CPED1: variants seen among roughly 807,000 people sequenced by gnomAD.
The protein encoded by CPED1 is cadherin like and PC-esterase domain containing 1.
In CPED1, 114 loss-of-function variants were observed where a neutral mutation model predicts 128.2. The ratio of observed to expected loss-of-function variants is 0.89; its 90% CI spans 0.76 to 1.04. The LOEUF is 1.04. CPED1 is among the 50% of genes least tolerant of loss of function. The pLI is 0.00. For synonymous variants in CPED1, 462 were observed against 426.7 expected (o/e 1.08, Z -1.02); for missense variants, 1,211 against 1,207.1 (o/e 1.00, Z -0.05).
At chr7:121,214,136 G>A (rs1797705318) in intron 16 of CPED1, among the ~76,000 whole-genome samples, 1 of 151,982 alleles carries the variant, frequency 6.6e-6, no homozygotes, top group Non-Finnish European at 1.5e-5. Context: ...TTATATATTT[G>A]TGGCAAGAAT....
At position 121,166,388 on chromosome 7, in the gene CPED1, C is replaced by T. The variant is rs146051329; in HGVS notation, c.2055+24247C>T. Among the ~76,000 whole-genome samples, 478 of 152,122 alleles carry T rather than the reference C, an allele frequency of 3.1e-3. 2 individuals carry two copies. The highest frequency in any genetic ancestry group is 0.01 in the African/African-American group (433 of 41,510). ...AATGATAATGGATGCAAAAGACTTTCGCAAGTTATGAAGTATTATACAGAT... is the reference window on the plus strand; with the variant it reads ...AATGATAATGGATGCAAAAGACTTTTGCAAGTTATGAAGTATTATACAGAT... On this transcript the variant is annotated intron_variant, in intron 16 of 22. Transcript: ENST00000310396.
intron 16 of CPED1, among the ~76,000 whole-genome samples, chr7:121,234,338 A>G (rs1163798955): frequency 6.6e-6 from 1 of 152,068 alleles, no homozygotes; most frequent in Non-Finnish European, 1.5e-5. Flanking sequence ...ATGAATGTTG[A>G]AACATTATTT....
chr7:121,052,110 A>C (rs2116920407), intron 4 of CPED1: 1 of 152,322 alleles, frequency 6.6e-6, no homozygotes, highest in East Asian at 1.9e-4. Flanking sequence ...TGCATTGAGG[A>C]ACACCCCATA....
chr7:121,268,646 GCA>G (rs10587644), intron 21 of CPED1, among the ~76,000 whole-genome samples: 78,527 of 151,348 alleles, frequency 0.52, 23,460 homozygotes, highest in African/African-American at 0.83. Flanking sequence ...ACAAGTGTGT[GCA>G]CACACACACA....
At chr7:121,080,214 T>C (rs894520355) in intron 5 of CPED1, among the ~76,000 whole-genome samples, 1 of 152,226 alleles carries the variant, frequency 6.6e-6, no homozygotes. Flanking sequence ...TATTAATCAA[T>C]AGTTTATTCT....
intron 7 of CPED1, among the ~76,000 whole-genome samples, chr7:121,122,952 T>C (rs895590945): frequency 3.3e-5 from 5 of 152,122 alleles, no homozygotes; most frequent in Non-Finnish European, 7.4e-5. Flanking sequence ...TCAGGTAACA[T>C]TGAAATAGAA....
At chr7:120,989,167 T>A in intron 1 of CPED1, 1 of 168,012 alleles carries the variant, frequency 6.0e-6, no homozygotes, top group Non-Finnish European at 1.3e-5. Context: ...AACAGGCACT[T>A]TGGGTTTTAA....
At chr7:121,224,068 T>A (rs1049830492) in intron 16 of CPED1, among the ~76,000 whole-genome samples, 6 of 152,190 alleles carry the variant, frequency 3.9e-5, no homozygotes, top group Admixed American at 3.9e-4. Flanking sequence ...CAATTTTAGA[T>A]CTTTCCTGAT....
At chr7:121,211,441 A>G (rs1273564525) in intron 16 of CPED1, among the ~76,000 whole-genome samples, 1 of 152,110 alleles carries the variant, frequency 6.6e-6, no homozygotes, top group African/African-American at 2.4e-5. Flanking sequence ...CAGAAGAGCC[A>G]CATAGTATCC....
At position 121,260,780 on chromosome 7, in the gene CPED1, C is replaced by T. The variant is rs767994970; in HGVS notation, c.2311-5447C>T. ...CTAGTGGGTTCCTGTTAACTAGGCT[C>T]AGTCTTGTGTTGAAATCTACGTGCA... On this transcript the variant is annotated intron_variant, in intron 18 of 22. Coordinates refer to ENST00000310396, the MANE Select transcript of CPED1 (RefSeq NM_024913.5). Among the ~76,000 whole-genome samples, 6 of 152,086 alleles carry T rather than the reference C, an allele frequency of 3.9e-5. No homozygotes were observed. In the South Asian group the frequency reaches 1.2e-3, roughly 31 times the overall value.
chr7:121,138,886 C>G (rs1391388424), intron 14 of CPED1, among the ~76,000 whole-genome samples: 1 of 151,884 alleles, frequency 6.6e-6, no homozygotes, highest in Non-Finnish European at 1.5e-5. Flanking sequence ...CCATTTGAAT[C>G]AAACCTCATG....
At chr7:121,237,591 G>A (rs1249875047) in intron 17 of CPED1, among the ~76,000 whole-genome samples, 2 of 152,066 alleles carry the variant, frequency 1.3e-5, no homozygotes, top group African/African-American at 2.4e-5. Flanking sequence ...AGATGTTGGG[G>A]TCAAGCCAAA....
intron 3 of CPED1, among the ~76,000 whole-genome samples, chr7:121,022,381 G>T (rs1333740096): frequency 6.6e-6 from 1 of 152,060 alleles, no homozygotes; most frequent in South Asian, 2.1e-4. Context: ...TACATCAAAT[G>T]ATTCTATACT....
intron 5 of CPED1, among the ~76,000 whole-genome samples, chr7:121,087,636 T>A (rs1026359779): frequency 6.6e-6 from 1 of 150,544 alleles, no homozygotes; most frequent in African/African-American, 2.4e-5. Context: ...GAGTTCAAGC[T>A]CAAGGATTCT....
chr7:121,239,700 A>G (rs943006605), intron 17 of CPED1, among the ~76,000 whole-genome samples: 8 of 152,204 alleles, frequency 5.3e-5, no homozygotes, highest in Non-Finnish European at 1.2e-4. Context: ...ATGATTTCCT[A>G]TCTCACCTCA....
chr7:121,232,406 C>T (rs1379625747), intron 16 of CPED1, among the ~76,000 whole-genome samples: 1 of 152,010 alleles, frequency 6.6e-6, no homozygotes, highest in Non-Finnish European at 1.5e-5. Context: ...CATGAGGGTG[C>T]TAAAGATATG....
At chr7:121,238,878 C>T (rs549453922) in intron 17 of CPED1, among the ~76,000 whole-genome samples, 1 of 152,028 alleles carries the variant, frequency 6.6e-6, no homozygotes, top group East Asian at 1.9e-4. Flanking sequence ...ATCCATCTTC[C>T]AATGTCTAAT....
chr7:121,199,511 T>C (rs953667182), intron 16 of CPED1, among the ~76,000 whole-genome samples: 1 of 151,226 alleles, frequency 6.6e-6, no homozygotes, highest in African/African-American at 2.4e-5. Context: ...AACCTGTCTC[T>C]ACTAAGAATA....
At position 121,206,734 on chromosome 7, in the gene CPED1, T is replaced by A. The variant is rs140197938; in HGVS notation, c.2056-29980T>A. On this transcript the variant is annotated intron_variant, in intron 16 of 22. Transcript: ENST00000310396. Reference sequence around the variant, plus strand: ...GTACATACTAATTTGTTTTTAATGTTTTTTAACGGCTGAAAAAATATTGAG... The same window carrying A: ...GTACATACTAATTTGTTTTTAATGTATTTTAACGGCTGAAAAAATATTGAG... Among the ~76,000 whole-genome samples the A allele has an allele frequency of 8.7e-3, 1,325 of 152,088 alleles. 17 individuals are homozygous for A. The highest frequency in any genetic ancestry group is 0.012 in the Non-Finnish European group (822 of 67,912).
Sources: gnomAD v4.1 joint callset for allele counts (sites outside exome capture counted in the v4.1 genomes callset) on GRCh38, gnomAD v4.1.1 for gene constraint, MANE v1.5 for transcripts, NCBI Gene and HGNC (gene_info 2026-07-23, HGNC 2026-07-21) for gene names.